The following PTPRT variants were observed in gnomAD, a reference collection of about 807,000 sequenced individuals.
The protein encoded by PTPRT is receptor-type tyrosine-protein phosphatase T.
In PTPRT, 56 loss-of-function variants were observed where a neutral mutation model predicts 176.8. That is an observed-to-expected ratio of 0.32 (90% CI 0.26 to 0.40). The LOEUF (loss-of-function observed/expected upper bound fraction) is 0.40. Ranked by LOEUF, PTPRT falls within the 10% of genes least tolerant of loss-of-function variation. The pLI is 1.00. For synonymous variants in PTPRT, 783 were observed against 739.0 expected (o/e 1.06, Z -0.96); for missense variants, 1,540 against 1,908.2 (o/e 0.81, Z 3.60).
chr20:43,059,645 T>C (rs997750559), intron 1 of PTPRT, among the ~76,000 whole-genome samples: 1 of 152,196 alleles, frequency 6.6e-6, no homozygotes, highest in Non-Finnish European at 1.5e-5. Context: ...TCTCTTGAGC[T>C]TTCTTCCTCT....
At chr20:42,744,695 C>T (rs552410356) in intron 6 of PTPRT, among the ~76,000 whole-genome samples, 29 of 152,294 alleles carry the variant, frequency 1.9e-4, no homozygotes, top group African/African-American at 6.7e-4. Flanking sequence ...GACAATTTTC[C>T]TCCACAAGGT....
At chr20:42,995,071 G>A (rs911075404) in intron 1 of PTPRT, among the ~76,000 whole-genome samples, 1 of 152,170 alleles carries the variant, frequency 6.6e-6, no homozygotes, top group East Asian at 1.9e-4. Flanking sequence ...AAAAGGTGAG[G>A]CCTACCAGGA....
chr20:42,491,914 T>G (rs1278960785), intron 7 of PTPRT, among the ~76,000 whole-genome samples: 1 of 152,186 alleles, frequency 6.6e-6, no homozygotes, highest in African/African-American at 2.4e-5. Flanking sequence ...ATTTCATAAA[T>G]GTTATATAAA....
At chr20:43,019,027 CATT>C (rs1177871787) in intron 1 of PTPRT, among the ~76,000 whole-genome samples, 1 of 152,132 alleles carries the variant, frequency 6.6e-6, no homozygotes, top group Admixed American at 6.5e-5. Flanking sequence ...TTTATCACAA[CATT>C]GTTTGAAAAA....
At chr20:43,154,856 A>G (rs1395963000) in intron 1 of PTPRT, among the ~76,000 whole-genome samples, 1 of 152,238 alleles carries the variant, frequency 6.6e-6, no homozygotes, top group Non-Finnish European at 1.5e-5. Flanking sequence ...ATTATATAGC[A>G]AGGAAATAAC....
At chr20:42,306,953 G>C (rs1433199244) in intron 12 of PTPRT, among the ~76,000 whole-genome samples, 1 of 152,180 alleles carries the variant, frequency 6.6e-6, no homozygotes, top group Non-Finnish European at 1.5e-5. Flanking sequence ...ATAGGTGAAA[G>C]CACCTTGCTT....
intron 2 of PTPRT, among the ~76,000 whole-genome samples, chr20:42,797,092 C>G (rs1026733586): frequency 3.3e-5 from 5 of 152,118 alleles, no homozygotes; most frequent in African/African-American, 1.2e-4. Flanking sequence ...GCAGGGAGAC[C>G]TTAATAGACT....
chr20:42,504,704 C>T (rs1275378311), intron 7 of PTPRT, among the ~76,000 whole-genome samples: 1 of 152,046 alleles, frequency 6.6e-6, no homozygotes, highest in Non-Finnish European at 1.5e-5. Flanking sequence ...AACATTTTCA[C>T]ATTTAAATTA....
chr20:42,435,250 G>A (rs2059251885), intron 9 of PTPRT, among the ~76,000 whole-genome samples: 1 of 152,152 alleles, frequency 6.6e-6, no homozygotes, highest in African/African-American at 2.4e-5. Flanking sequence ...TACAATATAA[G>A]GCTAGACATT....
chr20:42,199,627 A>G (rs1192075181), intron 15 of PTPRT, among the ~76,000 whole-genome samples: 10 of 152,182 alleles, frequency 6.6e-5, no homozygotes, highest in Admixed American at 6.5e-4. Flanking sequence ...CTAAAATGGG[A>G]AATCAATGAG....
intron 16 of PTPRT, among the ~76,000 whole-genome samples, chr20:42,179,821 G>T (rs1022627454): frequency 6.6e-6 from 1 of 152,218 alleles, no homozygotes; most frequent in Non-Finnish European, 1.5e-5. Context: ...GGGGGCTGGA[G>T]CAATCACCAT....
chr20:42,867,480 C>G (rs752162356), intron 2 of PTPRT, among the ~76,000 whole-genome samples: 14 of 145,196 alleles, frequency 9.6e-5, no homozygotes, highest in Non-Finnish European at 1.9e-4. Context: ...TCCTACCCTC[C>G]TAAGCTCACC....
At chr20:42,349,093 T>C (rs987481512) in intron 11 of PTPRT, among the ~76,000 whole-genome samples, 2 of 152,174 alleles carry the variant, frequency 1.3e-5, no homozygotes, top group Non-Finnish European at 2.9e-5. Context: ...TAGATGAAGC[T>C]GGATACAGGA....
chr20:42,394,590 CCG>C (rs1422788548), intron 9 of PTPRT, among the ~76,000 whole-genome samples: 1 of 152,134 alleles, frequency 6.6e-6, no homozygotes, highest in Non-Finnish European at 1.5e-5. Context: ...TTAAGCAATT[CCG>C]CAGCTTAGGA....
chr20:42,698,185 T>A (rs113451077), intron 6 of PTPRT, among the ~76,000 whole-genome samples: 13 of 152,160 alleles, frequency 8.5e-5, no homozygotes, highest in African/African-American at 2.7e-4. Context: ...CAACAGCTAG[T>A]GTGTACTCAA....
At chr20:42,492,395 A>G (rs2071575475) in intron 7 of PTPRT, among the ~76,000 whole-genome samples, 1 of 152,180 alleles carries the variant, frequency 6.6e-6, no homozygotes, top group Non-Finnish European at 1.5e-5. Flanking sequence ...ATAGGTGTGT[A>G]GTGATTCCTC....
intron 1 of PTPRT, among the ~76,000 whole-genome samples, chr20:43,005,337 A>G (rs1165732525): frequency 6.6e-6 from 1 of 152,066 alleles, no homozygotes; most frequent in Non-Finnish European, 1.5e-5. Flanking sequence ...TGGCCACATG[A>G]GCCTTCTAAC....
At chr20:42,839,946 A>G (rs1164225487) in intron 2 of PTPRT, among the ~76,000 whole-genome samples, 4 of 152,162 alleles carry the variant, frequency 2.6e-5, no homozygotes, top group Non-Finnish European at 4.4e-5. Context: ...ACGCCAGTGG[A>G]GGTTGTATAC....
intron 1 of PTPRT, among the ~76,000 whole-genome samples, chr20:43,054,800 G>C (rs1179622684): frequency 2.0e-5 from 3 of 152,036 alleles, no homozygotes; most frequent in African/African-American, 7.2e-5. Flanking sequence ...AGTGGGGGTG[G>C]GGGGAGCAGC....
Sources: allele counts gnomAD v4.1 joint callset (sites outside exome capture counted in the v4.1 genomes callset), GRCh38; gene constraint gnomAD v4.1.1; transcripts MANE v1.5; gene names NCBI Gene and HGNC (gene_info 2026-07-23, HGNC 2026-07-21).